CCSER1: variants seen among roughly 807,000 people sequenced by gnomAD.
CCSER1 encodes serine-rich coiled-coil domain-containing protein 1.
A neutral mutation model predicts 82.0 loss-of-function variants in CCSER1; 41 were observed. The observed-to-expected ratio is 0.50, with a 90% CI of 0.39 to 0.65. The LOEUF (loss-of-function observed/expected upper bound fraction) is 0.65, where lower values mean the gene tolerates loss of function less well. Among genes scored for constraint, CCSER1 ranks in the 30% least tolerant of loss-of-function variants. The pLI is 0.00. For missense variants in CCSER1, 1,119 were observed against 1,064.2 expected, an observed-to-expected ratio of 1.05 and a Z score of -0.72; for synonymous variants, 414 against 383.9, an observed-to-expected ratio of 1.08 and a Z score of -0.92.
intron 6 of CCSER1, among the ~76,000 whole-genome samples, chr4:90,669,779 A>G (rs1732466505): frequency 6.6e-6 from 1 of 152,162 alleles, no homozygotes; most frequent in Admixed American, 6.6e-5. Flanking sequence ...GATATAAGTT[A>G]TATTAAGTAT....
intron 5 of CCSER1, among the ~76,000 whole-genome samples, chr4:90,559,319 A>G (rs1211091994): frequency 2.6e-5 from 4 of 152,166 alleles, no homozygotes; most frequent in Non-Finnish European, 4.4e-5. Flanking sequence ...GGGGATCACC[A>G]TCTGTGGTGT....
intron 10 of CCSER1, among the ~76,000 whole-genome samples, chr4:91,293,364 T>C (rs1743905423): frequency 1.3e-5 from 2 of 152,020 alleles, no homozygotes; most frequent in South Asian, 4.1e-4. Context: ...TTGAGGGTCT[T>C]TTGTTATTAT....
intron 10 of CCSER1, among the ~76,000 whole-genome samples, chr4:91,371,012 C>A (rs1456025104): frequency 6.6e-6 from 1 of 152,052 alleles, no homozygotes; most frequent in African/African-American, 2.4e-5. Context: ...CAGGTGCACA[C>A]CACCACACCC....
intron 4 of CCSER1, among the ~76,000 whole-genome samples, chr4:90,467,842 T>C (rs1763844506): frequency 6.6e-6 from 1 of 152,184 alleles, no homozygotes; most frequent in African/African-American, 2.4e-5. Flanking sequence ...TGGGAAGGGG[T>C]ACCACAGGAG....
chr4:91,071,359 T>C (rs909891709), intron 9 of CCSER1, among the ~76,000 whole-genome samples: 1 of 152,110 alleles, frequency 6.6e-6, no homozygotes, highest in Non-Finnish European at 1.5e-5. Flanking sequence ...AATAGAGTGG[T>C]AAAAGTAGTG....
intron 3 of CCSER1, among the ~76,000 whole-genome samples, chr4:90,342,560 T>A (rs1029957208): frequency 6.6e-6 from 1 of 152,180 alleles, no homozygotes; most frequent in Non-Finnish European, 1.5e-5. Context: ...TTCAGCATTA[T>A]TTTTTTCATT....
intron 6 of CCSER1, among the ~76,000 whole-genome samples, chr4:90,692,926 A>T (rs1174175585): frequency 6.6e-6 from 1 of 151,940 alleles, no homozygotes; most frequent in Non-Finnish European, 1.5e-5. Context: ...TCTCATTTTA[A>T]ATGCATGTCC....
intron 10 of CCSER1, among the ~76,000 whole-genome samples, chr4:91,395,179 C>T (rs183615115): frequency 1.3e-5 from 2 of 152,130 alleles, no homozygotes; most frequent in African/African-American, 4.8e-5. Context: ...AGACAGCTTG[C>T]TCTCAGGCAC....
intron 1 of CCSER1, among the ~76,000 whole-genome samples, chr4:90,248,843 G>T (rs1474358474): frequency 6.6e-6 from 1 of 151,592 alleles, no homozygotes; most frequent in Non-Finnish European, 1.5e-5. Flanking sequence ...GACCACAGGT[G>T]CACGCCATCA....
chr4:90,508,815 G>A (rs1003149989), intron 5 of CCSER1, among the ~76,000 whole-genome samples: 1 of 151,850 alleles, frequency 6.6e-6, no homozygotes, highest in African/African-American at 2.4e-5. Context: ...ACATAATTAA[G>A]CACTTAAGCT....
At chr4:90,871,441 A>T (rs1241308644) in intron 8 of CCSER1, among the ~76,000 whole-genome samples, 1 of 151,922 alleles carries the variant, frequency 6.6e-6, no homozygotes, top group Non-Finnish European at 1.5e-5. Flanking sequence ...CATTCAGAGC[A>T]TACTGTTTAA....
chr4:91,200,907 A>G (rs1735855279), intron 10 of CCSER1, among the ~76,000 whole-genome samples: 1 of 150,550 alleles, frequency 6.6e-6, no homozygotes, highest in Admixed American at 6.6e-5. Flanking sequence ...GTTGTTTATT[A>G]ATCTATTATT....
chr4:91,245,165 C>G (rs1739665177), intron 10 of CCSER1, among the ~76,000 whole-genome samples: 1 of 151,842 alleles, frequency 6.6e-6, no homozygotes, highest in Non-Finnish European at 1.5e-5. Flanking sequence ...CTCAAACAGG[C>G]AAATGTAAGA....
intron 4 of CCSER1, among the ~76,000 whole-genome samples, chr4:90,419,245 A>T (rs1361227739): frequency 1.3e-5 from 2 of 151,888 alleles, no homozygotes; most frequent in African/African-American, 4.8e-5. Flanking sequence ...ATTACTCTGT[A>T]TTTCTACTTC....
chr4:90,157,707 C>G (rs1266999847), intron 1 of CCSER1, among the ~76,000 whole-genome samples: 1 of 135,540 alleles, frequency 7.4e-6, no homozygotes, highest in African/African-American at 2.5e-5. Flanking sequence ...GTTCTTGAGC[C>G]TTGGCTTTCA....
At chr4:91,273,995 T>G (rs1199546732) in intron 10 of CCSER1, among the ~76,000 whole-genome samples, 2 of 152,148 alleles carry the variant, frequency 1.3e-5, no homozygotes, top group Non-Finnish European at 2.9e-5. Context: ...TGGAAAAAAA[T>G]AGTTAGGTTA....
intron 8 of CCSER1, among the ~76,000 whole-genome samples, chr4:90,867,702 C>T (rs1162202470): frequency 6.6e-6 from 1 of 151,930 alleles, no homozygotes; most frequent in Admixed American, 6.6e-5. Context: ...CTCCACTAGC[C>T]TTTCCAGCCT....
chr4:90,895,204 A>G (rs1723530342), intron 8 of CCSER1, among the ~76,000 whole-genome samples: 1 of 151,946 alleles, frequency 6.6e-6, no homozygotes, highest in Admixed American at 6.6e-5. Context: ...GACACCAGCC[A>G]AAAACCATAT....
chr4:90,595,046 G>C (rs142069240), intron 5 of CCSER1, among the ~76,000 whole-genome samples: 3 of 151,948 alleles, frequency 2.0e-5, no homozygotes, highest in Admixed American at 2.0e-4. Flanking sequence ...CTATTAACAA[G>C]TGTTTTGAGT....
Sources: allele counts gnomAD v4.1 joint callset (sites outside exome capture counted in the v4.1 genomes callset), GRCh38; gene constraint gnomAD v4.1.1; transcripts MANE v1.5; gene names NCBI Gene and HGNC (gene_info 2026-07-23, HGNC 2026-07-21).